NSMCE2: variants seen among roughly 807,000 people sequenced by gnomAD.
NSMCE2 encodes NSE2 SUMO ligase component of SMC5/6 complex.
A neutral mutation model predicts 23.8 loss-of-function variants in NSMCE2; 24 were observed. The observed-to-expected ratio is 1.01, with a 90% CI of 0.73 to 1.42. The LOEUF is 1.42. Among genes scored for constraint, NSMCE2 ranks in the 40% most tolerant of loss-of-function variants. The pLI is 0.00. For synonymous variants in NSMCE2, 92 were observed against 94.1 expected (o/e 0.98, Z 0.13); for missense variants, 284 against 296.5 (o/e 0.96, Z 0.31).
chr8:125,312,435 C>G (rs1321233856), intron 5 of NSMCE2, among the ~76,000 whole-genome samples: 1 of 151,926 alleles, frequency 6.6e-6, no homozygotes, highest in Non-Finnish European at 1.5e-5. Flanking sequence ...ACCAGCCTGG[C>G]CAACGTGGTG....
intron 1 of NSMCE2, among the ~76,000 whole-genome samples, chr8:125,101,496 C>G (rs1818187079): frequency 6.6e-6 from 1 of 152,176 alleles, no homozygotes; most frequent in African/African-American, 2.4e-5. Flanking sequence ...GAAAATACCC[C>G]TTTTTCTGCT....
intron 5 of NSMCE2, among the ~76,000 whole-genome samples, chr8:125,216,307 CT>C (rs1824580067): frequency 6.6e-6 from 1 of 152,262 alleles, no homozygotes; most frequent in Admixed American, 6.5e-5. Context: ...GCTTTCAGTT[CT>C]TTTTTGTGTA....
chr8:125,322,036 T>C (rs942767451), intron 5 of NSMCE2, among the ~76,000 whole-genome samples: 7 of 152,246 alleles, frequency 4.6e-5, no homozygotes, highest in African/African-American at 1.7e-4. Context: ...TTTATTTCAA[T>C]ATCTTTTAAG....
intron 5 of NSMCE2, among the ~76,000 whole-genome samples, chr8:125,263,769 A>AG (rs1554628170): frequency 6.6e-6 from 1 of 152,042 alleles, no homozygotes; most frequent in Non-Finnish European, 1.5e-5. Flanking sequence ...CAAAAAAAAA[A>AG]AGAAGAGGCC....
At chr8:125,306,346 A>C (rs1828762621) in intron 5 of NSMCE2, among the ~76,000 whole-genome samples, 1 of 149,580 alleles carries the variant, frequency 6.7e-6, no homozygotes, top group Admixed American at 6.9e-5. Context: ...AAAAACATAA[A>C]GCTTATATAT....
At chr8:125,225,104 G>A (rs183981728) in intron 5 of NSMCE2, among the ~76,000 whole-genome samples, 1 of 152,182 alleles carries the variant, frequency 6.6e-6, no homozygotes, top group East Asian at 1.9e-4. Context: ...TCACATATTT[G>A]GCATATCTTT....
intron 5 of NSMCE2, among the ~76,000 whole-genome samples, chr8:125,290,983 A>G (rs542858904): frequency 3.5e-4 from 53 of 152,338 alleles, no homozygotes; most frequent in Admixed American, 3.3e-3. Flanking sequence ...TTCAGTAAAT[A>G]TTCAGTAAAT....
At chr8:125,198,945 T>C (rs1823747040) in intron 5 of NSMCE2, among the ~76,000 whole-genome samples, 1 of 152,202 alleles carries the variant, frequency 6.6e-6, no homozygotes, top group Non-Finnish European at 1.5e-5. Context: ...AATTTATCCA[T>C]TTCTTCTAGA....
At chr8:125,336,619 T>G (rs1830069814) in intron 5 of NSMCE2, among the ~76,000 whole-genome samples, 1 of 152,236 alleles carries the variant, frequency 6.6e-6, no homozygotes, top group South Asian at 2.1e-4. Flanking sequence ...AGAAGTTGGC[T>G]ACAAGGAAAT....
intron 3 of NSMCE2, among the ~76,000 whole-genome samples, chr8:125,128,893 C>G (rs1215314175): frequency 1.3e-5 from 2 of 152,196 alleles, no homozygotes; most frequent in African/African-American, 4.8e-5. Flanking sequence ...GCAAGGTCAG[C>G]TGATTAACAA....
intron 5 of NSMCE2, among the ~76,000 whole-genome samples, chr8:125,313,435 C>T (rs1829056347): frequency 6.6e-6 from 1 of 151,860 alleles, no homozygotes. Flanking sequence ...AAAAATGGCA[C>T]GTGGAAAACA....
intron 5 of NSMCE2, among the ~76,000 whole-genome samples, chr8:125,213,733 C>CTTCCTTCCTTATTTCCTTCT (rs1305326751): frequency 6.8e-6 from 1 of 147,178 alleles, no homozygotes; most frequent in Non-Finnish European, 1.5e-5. Context: ...TATTTCCTTC[C>CTTCCTTCCTTATTTCCTTCT]TTCCTTCCTT....
intron 5 of NSMCE2, among the ~76,000 whole-genome samples, chr8:125,338,814 A>G (rs949414990): frequency 2.0e-5 from 3 of 152,214 alleles, no homozygotes; most frequent in African/African-American, 4.8e-5. Flanking sequence ...ATGAAACTGA[A>G]TGATTATGGA....
intron 3 of NSMCE2, among the ~76,000 whole-genome samples, chr8:125,109,834 T>C (rs1268568111): frequency 6.6e-6 from 1 of 152,196 alleles, no homozygotes; most frequent in East Asian, 1.9e-4. Flanking sequence ...ACCATGTTTA[T>C]TCATTTTTCT....
chr8:125,229,292 G>T (rs748776788), intron 5 of NSMCE2, among the ~76,000 whole-genome samples: 4 of 152,182 alleles, frequency 2.6e-5, no homozygotes, highest in Non-Finnish European at 5.9e-5. Context: ...ACTGAAAGCA[G>T]TGAAGGCAAC....
At chr8:125,105,283 C>G (rs1476158919) in intron 3 of NSMCE2, among the ~76,000 whole-genome samples, 1 of 152,128 alleles carries the variant, frequency 6.6e-6, no homozygotes, top group African/African-American at 2.4e-5. Flanking sequence ...TTAACCCTAC[C>G]CAGTCTGTTT....
chr8:125,173,851 C>T (rs1010783553), intron 4 of NSMCE2, among the ~76,000 whole-genome samples: 1 of 152,138 alleles, frequency 6.6e-6, no homozygotes, highest in African/African-American at 2.4e-5. Context: ...TTGAAACTGG[C>T]TGACACTGAC....
intron 5 of NSMCE2, among the ~76,000 whole-genome samples, chr8:125,332,527 G>T (rs773871541): frequency 6.6e-6 from 1 of 152,220 alleles, no homozygotes; most frequent in East Asian, 1.9e-4. Flanking sequence ...CTGGTGCATA[G>T]TAAGCTTTCA....
intron 5 of NSMCE2, among the ~76,000 whole-genome samples, chr8:125,190,428 A>G (rs1823296732): frequency 6.6e-6 from 1 of 152,242 alleles, no homozygotes; most frequent in Non-Finnish European, 1.5e-5. Flanking sequence ...AAGGATGAAG[A>G]GAAAACATTG....
Sources: gnomAD v4.1 joint callset for allele counts (sites outside exome capture counted in the v4.1 genomes callset) on GRCh38, gnomAD v4.1.1 for gene constraint, MANE v1.5 for transcripts, NCBI Gene and HGNC (gene_info 2026-07-23, HGNC 2026-07-21) for gene names.